PLPPR5: variants seen among roughly 807,000 people sequenced by gnomAD.
The protein encoded by PLPPR5 is phospholipid phosphatase-related protein type 5.
In PLPPR5, 16 loss-of-function variants were observed where a neutral mutation model predicts 33.9. That is an observed-to-expected ratio of 0.47 (90% CI 0.32 to 0.72). PLPPR5 has a LOEUF of 0.72. Among genes scored for constraint, PLPPR5 ranks in the 30% least tolerant of loss-of-function variants. The pLI, the probability that PLPPR5 is intolerant of heterozygous loss-of-function variation, is 0.03. For synonymous variants in PLPPR5, 163 were observed against 150.3 expected, an observed-to-expected ratio of 1.08 and a Z score of -0.62; for missense variants, 301 against 406.7, an observed-to-expected ratio of 0.74 and a Z score of 2.23.
At chr1:98,969,233 A>G (rs1482077027) in intron 1 of PLPPR5, among the ~76,000 whole-genome samples, 1 of 152,072 alleles carries the variant, frequency 6.6e-6, no homozygotes, top group Non-Finnish European at 1.5e-5. Context: ...AATTTAGGAA[A>G]GATAGTCTAG....
chr1:98,926,580 C>T (rs994477958), intron 3 of PLPPR5, among the ~76,000 whole-genome samples: 1 of 151,594 alleles, frequency 6.6e-6, no homozygotes, highest in African/African-American at 2.4e-5. Flanking sequence ...GAACTGATGC[C>T]TTATCAAGTT....
chr1:98,893,217 A>G (rs752533732), intron 5 of PLPPR5, 113 bp from the exon 6 acceptor site: 65 of 920,736 alleles, frequency 7.1e-5, no homozygotes, highest in Non-Finnish European at 9.6e-5. Flanking sequence ...TTGAAGTTGC[A>G]AAACATCCAG....
At chr1:98,966,202 T>C (rs1651446499) in intron 1 of PLPPR5, among the ~76,000 whole-genome samples, 1 of 152,222 alleles carries the variant, frequency 6.6e-6, no homozygotes, top group Non-Finnish European at 1.5e-5. Context: ...CAAGTGATAC[T>C]GGTTTTCCAT....
At chr1:99,001,067 G>A (rs546783945) in intron 1 of PLPPR5, among the ~76,000 whole-genome samples, 276 of 151,956 alleles carry the variant, frequency 1.8e-3, no homozygotes, top group Admixed American at 3.5e-3. Flanking sequence ...TTGTCAATAA[G>A]GGAATTGAGG....
At chr1:98,927,534 G>A (rs1649812074) in intron 3 of PLPPR5, among the ~76,000 whole-genome samples, 1 of 152,198 alleles carries the variant, frequency 6.6e-6, no homozygotes, top group South Asian at 2.1e-4. Context: ...TGGGCTGCCT[G>A]CCCTCCCAAG....
At chr1:98,950,432 A>T (rs1170385301) in intron 3 of PLPPR5, among the ~76,000 whole-genome samples, 1 of 152,190 alleles carries the variant, frequency 6.6e-6, no homozygotes, top group Non-Finnish European at 1.5e-5. Context: ...AATTTTTATT[A>T]TAGAACAGTA....
rs1431876909 is a variant in PLPPR5, at chr1:98,914,933, A to G, written c.799-13T>C. The G allele has an allele frequency of 3.1e-6, 5 of 1,606,836 alleles. No individual in the cohort carries two copies. Among genetic ancestry groups the G allele is most frequent in the Non-Finnish European group, 4.2e-6 (5 of 1,178,606 alleles). On this transcript the variant is annotated splice_polypyrimidine_tract_variant and intron_variant, in intron 4 of 5. Coordinates refer to ENST00000263177, the MANE Select transcript of PLPPR5 (RefSeq NM_001037317.2). ...CCACGCACACAACCTAAAATTTCAGAAGACAATTACAGTTAAAGCAAACTG... is the reference window on the plus strand; with the variant it reads ...CCACGCACACAACCTAAAATTTCAGGAGACAATTACAGTTAAAGCAAACTG...
At chr1:98,953,382 T>C in intron 2 of PLPPR5, 62 bp from the exon 3 acceptor site, 1 of 1,535,566 alleles carries the variant, frequency 6.5e-7, no homozygotes, top group Non-Finnish European at 8.7e-7. Flanking sequence ...TGTGTGTGTG[T>C]GTGTGTGTGT....
intron 3 of PLPPR5, among the ~76,000 whole-genome samples, chr1:98,925,376 C>A (rs1649714236): frequency 6.6e-6 from 1 of 152,144 alleles, no homozygotes; most frequent in South Asian, 2.1e-4. Context: ...ATTAGCAGAG[C>A]TTATTCACCC....
chr1:98,998,276 G>A (rs546014552), intron 1 of PLPPR5, among the ~76,000 whole-genome samples: 22 of 152,198 alleles, frequency 1.4e-4, no homozygotes, highest in African/African-American at 4.6e-4. Flanking sequence ...AGAAACAGAA[G>A]TACCTCCACC....
chr1:98,893,825 T>C (rs943180808), intron 5 of PLPPR5, among the ~76,000 whole-genome samples: 10 of 151,810 alleles, frequency 6.6e-5, no homozygotes, highest in African/African-American at 2.2e-4. Context: ...CCCCAACAAA[T>C]AACATCAGCA....
intron 1 of PLPPR5, among the ~76,000 whole-genome samples, chr1:98,958,505 G>A (rs1485232525): frequency 6.6e-6 from 1 of 152,092 alleles, no homozygotes; most frequent in East Asian, 1.9e-4. Flanking sequence ...TTTGGTGAGA[G>A]TGGATTGAGT....
At chr1:99,001,455 C>A (rs905361528) in intron 1 of PLPPR5, among the ~76,000 whole-genome samples, 15 of 151,794 alleles carry the variant, frequency 9.9e-5, no homozygotes, top group Non-Finnish European at 1.5e-5. Flanking sequence ...AACAATGCAG[C>A]AGAGTGTGCT....
intron 3 of PLPPR5, among the ~76,000 whole-genome samples, chr1:98,932,725 C>A (rs1475835951): frequency 6.6e-6 from 1 of 152,168 alleles, no homozygotes. Flanking sequence ...CTCTAGCCTG[C>A]AGTAAGCATG....
chr1:98,904,184 G>A (rs1648807233), intron 5 of PLPPR5, among the ~76,000 whole-genome samples: 1 of 151,496 alleles, frequency 6.6e-6, no homozygotes, highest in Non-Finnish European at 1.5e-5. Flanking sequence ...GCTTCATTGG[G>A]TAGTATAGGT....
At chr1:98,940,522 T>C (rs1223287854) in intron 3 of PLPPR5, among the ~76,000 whole-genome samples, 1 of 151,892 alleles carries the variant, frequency 6.6e-6, no homozygotes, top group African/African-American at 2.4e-5. Flanking sequence ...GGGCCTTGTA[T>C]AGCACACGTA....
intron 1 of PLPPR5, among the ~76,000 whole-genome samples, chr1:98,999,395 G>A (rs1374286644): frequency 6.6e-6 from 1 of 152,158 alleles, no homozygotes; most frequent in Non-Finnish European, 1.5e-5. Context: ...TCTCACAGCT[G>A]GAAAGTAGCA....
At chr1:98,940,162 G>C (rs1040809027) in intron 3 of PLPPR5, among the ~76,000 whole-genome samples, 5 of 151,798 alleles carry the variant, frequency 3.3e-5, no homozygotes, top group African/African-American at 1.2e-4. Flanking sequence ...TGGCATAAAA[G>C]ACAGAATTTA....
At chr1:98,993,456 A>G (rs1652526950) in intron 1 of PLPPR5, among the ~76,000 whole-genome samples, 1 of 152,106 alleles carries the variant, frequency 6.6e-6, no homozygotes, top group Admixed American at 6.6e-5. Context: ...GGAAATAAAG[A>G]TCTCTTTGTG....
Sources: gnomAD v4.1 joint callset for allele counts (sites outside exome capture counted in the v4.1 genomes callset) on GRCh38, gnomAD v4.1.1 for gene constraint, MANE v1.5 for transcripts, NCBI Gene and HGNC (gene_info 2026-07-23, HGNC 2026-07-21) for gene names.